Variants in SORCS1 observed in about 807,000 individuals in gnomAD.
SORCS1 encodes sortilin related VPS10 domain containing receptor 1.
In SORCS1, 60 loss-of-function variants were observed where a neutral mutation model predicts 146.1. The observed-to-expected ratio is 0.41, with a 90% CI of 0.33 to 0.51. SORCS1 has a LOEUF of 0.51. SORCS1 is among the 20% of genes least tolerant of loss of function. SORCS1 has a pLI of 0.21. For synonymous variants in SORCS1, 637 were observed against 584.0 expected (o/e 1.09, Z -1.31); for missense variants, 1,352 against 1,487.6 (o/e 0.91, Z 1.50).
chr10:106,733,495 C>T (rs1856753670), intron 5 of SORCS1, among the ~76,000 whole-genome samples: 1 of 152,124 alleles, frequency 6.6e-6, no homozygotes. Flanking sequence ...TGACCAGATA[C>T]CTTAGAAAAG....
At chr10:106,628,623 C>CT (rs1466261326) in intron 19 of SORCS1, among the ~76,000 whole-genome samples, 1 of 152,192 alleles carries the variant, frequency 6.6e-6, no homozygotes, top group African/African-American at 2.4e-5. Context: ...GAACTGTTTC[C>CT]TACCACAGTT....
chr10:106,684,150 C>A (rs1278970332), intron 10 of SORCS1, among the ~76,000 whole-genome samples: 1 of 152,038 alleles, frequency 6.6e-6, no homozygotes, highest in Admixed American at 6.6e-5. Flanking sequence ...CCTGGCCAAC[C>A]AACATGGTGA....
At chr10:106,736,953 G>A (rs1856990474) in intron 5 of SORCS1, among the ~76,000 whole-genome samples, 1 of 152,124 alleles carries the variant, frequency 6.6e-6, no homozygotes, top group African/African-American at 2.4e-5. Context: ...CCAGCAACCT[G>A]AGGCCCTCCA....
chr10:106,577,702 C>A (rs1018754028), intron 25 of SORCS1, 147 bp from the exon 26 acceptor site: 8 of 1,421,396 alleles, frequency 5.6e-6, no homozygotes, highest in African/African-American at 1.4e-5. Flanking sequence ...TCATACCCTA[C>A]GGAAATGCGA....
chr10:107,133,660 C>T (rs1306338453), intron 1 of SORCS1, among the ~76,000 whole-genome samples: 1 of 152,138 alleles, frequency 6.6e-6, no homozygotes, highest in Non-Finnish European at 1.5e-5. Flanking sequence ...AATTCAGCCT[C>T]ATTGCATTTC....
At chr10:106,767,383 G>T (rs1564948187) in intron 4 of SORCS1, among the ~76,000 whole-genome samples, 1 of 152,298 alleles carries the variant, frequency 6.6e-6, no homozygotes, top group African/African-American at 2.4e-5. Flanking sequence ...GCCAATATAT[G>T]ACTGTGGGCG....
At chr10:106,756,119 A>G (rs1858618118) in intron 5 of SORCS1, among the ~76,000 whole-genome samples, 1 of 147,892 alleles carries the variant, frequency 6.8e-6, no homozygotes, top group African/African-American at 2.4e-5. Flanking sequence ...ACAGAGCAAG[A>G]CAATGTCTCA....
At chr10:107,134,153 G>T (rs1315966910) in intron 1 of SORCS1, among the ~76,000 whole-genome samples, 2 of 152,142 alleles carry the variant, frequency 1.3e-5, no homozygotes, top group African/African-American at 4.8e-5. Flanking sequence ...ACTCTAATAG[G>T]TTGGGGACCA....
intron 16 of SORCS1, among the ~76,000 whole-genome samples, chr10:106,668,211 C>T (rs898005701): frequency 1.3e-5 from 2 of 152,162 alleles, no homozygotes; most frequent in Non-Finnish European, 2.9e-5. Flanking sequence ...GCACAGTCCT[C>T]ATTACTGGTG....
At chr10:106,719,451 T>C (rs1855626125) in intron 6 of SORCS1, among the ~76,000 whole-genome samples, 1 of 151,086 alleles carries the variant, frequency 6.6e-6, no homozygotes, top group Non-Finnish European at 1.5e-5. Context: ...TCTCGCTCTG[T>C]CGCCAGGCTG....
At chr10:107,025,737 T>A (rs1277250113) in intron 1 of SORCS1, among the ~76,000 whole-genome samples, 2 of 152,200 alleles carry the variant, frequency 1.3e-5, no homozygotes, top group East Asian at 1.9e-4. Flanking sequence ...ACCCTTGATG[T>A]CAGGCTGGGG....
At chr10:106,801,894 AC>A (rs2136655357) in intron 3 of SORCS1, among the ~76,000 whole-genome samples, 2 of 152,262 alleles carry the variant, frequency 1.3e-5, no homozygotes, top group African/African-American at 4.8e-5. Flanking sequence ...CTAGTCCAAG[AC>A]CACATAGATG....
chr10:106,788,681 T>A, intron 3 of SORCS1, among the ~76,000 whole-genome samples: 1 of 152,192 alleles, frequency 6.6e-6, no homozygotes, highest in East Asian at 1.9e-4. Context: ...CTTGGGCAGC[T>A]CTCCCCCTGT....
chr10:106,743,721 G>A (rs1036646182), intron 5 of SORCS1, among the ~76,000 whole-genome samples: 4 of 151,990 alleles, frequency 2.6e-5, no homozygotes, highest in Non-Finnish European at 5.9e-5. Flanking sequence ...CACCGCACCC[G>A]GCCTGTATAA....
chr10:106,613,068 T>G (rs1296829127), intron 21 of SORCS1, among the ~76,000 whole-genome samples: 2 of 152,176 alleles, frequency 1.3e-5, no homozygotes, highest in Non-Finnish European at 2.9e-5. Context: ...ATTATTATTA[T>G]AGGATTATGG....
At chr10:106,966,326 G>T (rs1186931532) in intron 1 of SORCS1, among the ~76,000 whole-genome samples, 1 of 152,100 alleles carries the variant, frequency 6.6e-6, no homozygotes, top group Non-Finnish European at 1.5e-5. Context: ...AAAGTAATCT[G>T]GTCTAGACAA....
intron 23 of SORCS1, among the ~76,000 whole-genome samples, chr10:106,602,548 C>CACACACACACACACACAT (rs1846312031): frequency 6.6e-6 from 1 of 150,418 alleles, no homozygotes; most frequent in African/African-American, 2.5e-5. Context: ...CACACACACA[C>CACACACACACACACACAT]ACAAACACAC....
intron 17 of SORCS1, among the ~76,000 whole-genome samples, chr10:106,656,822 T>C (rs74589687): frequency 0.015 from 2,272 of 152,270 alleles, 51 homozygotes; most frequent in African/African-American, 0.051. Context: ...ACCCAGGCTC[T>C]GCAAACAGAA....
At position 107,050,534 on chromosome 10, in the gene SORCS1, C is replaced by A. The variant is rs1036834328; in HGVS notation, c.559-93954G>T. 2.0e-5 allele frequency among the ~76,000 whole-genome samples: 3 copies of A among 152,056 alleles called. No individual in the cohort carries two copies. The South Asian group carries it at 6.2e-4, about 31-fold the overall frequency. ...TGGCACTCTATTTAGGCTTTATTTC[C>A]AGAACCTTCTAGTCCTGCTAAAAGT... On this transcript the variant is annotated intron_variant, in intron 1 of 25. Transcript: ENST00000263054.
Sources: gnomAD v4.1 joint callset for allele counts (sites outside exome capture counted in the v4.1 genomes callset) on GRCh38, gnomAD v4.1.1 for gene constraint, MANE v1.5 for transcripts, NCBI Gene and HGNC (gene_info 2026-07-23, HGNC 2026-07-21) for gene names.